KCNH8: variants seen among roughly 807,000 people sequenced by gnomAD.
KCNH8 encodes the protein voltage-gated delayed rectifier potassium channel KCNH8.
A neutral mutation model predicts 103.6 loss-of-function variants in KCNH8; 70 were observed. The observed-to-expected ratio is 0.68, with a 90% CI of 0.56 to 0.82. The LOEUF (loss-of-function observed/expected upper bound fraction) is 0.82, where lower values mean the gene tolerates loss of function less well. Ranked by LOEUF, KCNH8 falls within the 40% of genes least tolerant of loss-of-function variation. The pLI, the probability that KCNH8 is intolerant of heterozygous loss-of-function variation, is 0.00. For missense variants in KCNH8, 1,217 were observed against 1,329.9 expected (o/e 0.92, Z 1.32); for synonymous variants, 498 against 489.4 (o/e 1.02, Z -0.23).
chr3:19,169,255 CTTT>C (rs768036667), intron 1 of KCNH8, among the ~76,000 whole-genome samples: 1 of 124,962 alleles, frequency 8.0e-6, no homozygotes. Flanking sequence ...TTCTTTCTTT[CTTT>C]TTTTTTTTTT....
intron 5 of KCNH8, among the ~76,000 whole-genome samples, chr3:19,379,501 G>A (rs1366380125): frequency 2.6e-5 from 4 of 152,078 alleles, no homozygotes; most frequent in Admixed American, 6.6e-5. Context: ...TTACTCAGGC[G>A]TGGTGGCATG....
In KCNH8 at chr3:19,347,735, T is replaced by C; in HGVS notation, c.581T>C (p.Val194Ala). ...TGTCTTCATCCACAGAATGTTTTTG[T>C]AGATAAACCAGCATTTCCGGAGTAT... ...NKLKINNNVF[V>A]DKPAFPEYKV... Residue 194 changes from valine to alanine, a missense_variant, in exon 5 of 16, where the codon GTA (valine) becomes GCA (alanine). By Grantham distance (64) the Val-to-Ala change is moderately conservative. Around this residue, in one of 3 missense-constraint regions of KCNH8, gnomAD observed 244 missense variants for 256.8 expected, o/e 0.95. Transcript: ENST00000328405. 1 of 1,612,946 alleles carries C rather than the reference T, an allele frequency of 6.2e-7. No homozygotes were observed. The highest frequency in any genetic ancestry group is 2.2e-5 in the East Asian group (1 of 44,854).
At chr3:19,278,289 TG>T (rs2064703924) in intron 2 of KCNH8, among the ~76,000 whole-genome samples, 1 of 152,004 alleles carries the variant, frequency 6.6e-6, no homozygotes, top group Non-Finnish European at 1.5e-5. Context: ...AGTTGGTATA[TG>T]CTTTGTGTTC....
At chr3:19,503,500 C>T (rs1020393122) in intron 11 of KCNH8, among the ~76,000 whole-genome samples, 2 of 152,032 alleles carry the variant, frequency 1.3e-5, no homozygotes, top group African/African-American at 4.8e-5. Context: ...GCAGCATTAT[C>T]CACAATAGCA....
In KCNH8 at chr3:19,500,252, T is replaced by C. The variant is rs1311290796; in HGVS notation, c.2041-10111T>C. Among the ~76,000 whole-genome samples the C allele has an allele frequency of 4.6e-5, 7 of 152,280 alleles. No homozygotes were observed. The South Asian group carries it at 1.5e-3, about 32-fold the overall frequency. Reference sequence around the variant, plus strand: ...AAGAGCTAACTATCCTAAATATATATGCACCCAATACAAGAGCACCCAGAA... The same window carrying C: ...AAGAGCTAACTATCCTAAATATATACGCACCCAATACAAGAGCACCCAGAA... On this transcript the variant is annotated intron_variant, in intron 11 of 15. Transcript: ENST00000328405.
chr3:19,288,425 C>T (rs2064868196), intron 3 of KCNH8, among the ~76,000 whole-genome samples: 1 of 151,558 alleles, frequency 6.6e-6, no homozygotes, highest in African/African-American at 2.4e-5. Flanking sequence ...ATTCCCCTTC[C>T]TGTATCCATG....
chr3:19,407,638 A>G (rs1044457952), intron 7 of KCNH8, among the ~76,000 whole-genome samples: 7 of 152,150 alleles, frequency 4.6e-5, no homozygotes, highest in African/African-American at 1.7e-4. Flanking sequence ...AGACATAGAT[A>G]GTGGTGCAGT....
chr3:19,398,612 G>A (rs1182655260), intron 7 of KCNH8, among the ~76,000 whole-genome samples: 1 of 151,882 alleles, frequency 6.6e-6, no homozygotes, highest in Non-Finnish European at 1.5e-5. Context: ...GTGATCCTTT[G>A]AACATAGAGC....
chr3:19,208,578 A>G (rs1170976512), intron 1 of KCNH8, among the ~76,000 whole-genome samples: 1 of 152,030 alleles, frequency 6.6e-6, no homozygotes, highest in Non-Finnish European at 1.5e-5. Flanking sequence ...ACCATAAGGC[A>G]TAAATAATAA....
chr3:19,274,101 C>T (rs187759741), intron 2 of KCNH8, among the ~76,000 whole-genome samples: 122 of 151,972 alleles, frequency 8.0e-4, no homozygotes, highest in Non-Finnish European at 1.4e-3. Context: ...AGGATCATTC[C>T]CAGAATATTA....
intron 5 of KCNH8, among the ~76,000 whole-genome samples, chr3:19,380,123 A>G (rs2066268878): frequency 6.6e-6 from 1 of 152,214 alleles, no homozygotes; most frequent in Non-Finnish European, 1.5e-5. Flanking sequence ...TGCCTCTGGA[A>G]TATCACTGAG....
chr3:19,437,478 A>G (rs925894834), intron 7 of KCNH8, among the ~76,000 whole-genome samples: 1 of 152,190 alleles, frequency 6.6e-6, no homozygotes, highest in Non-Finnish European at 1.5e-5. Context: ...ACATATATAC[A>G]TAGTATCATA....
chr3:19,468,361 C>G (rs931996391), intron 11 of KCNH8, among the ~76,000 whole-genome samples: 2 of 152,146 alleles, frequency 1.3e-5, no homozygotes, highest in African/African-American at 4.8e-5. Flanking sequence ...GTCCTGAAGA[C>G]AGCGGCCTCT....
intron 1 of KCNH8, among the ~76,000 whole-genome samples, chr3:19,157,048 C>T (rs1186976735): frequency 1.3e-5 from 2 of 150,570 alleles, no homozygotes; most frequent in African/African-American, 4.9e-5. Context: ...ATTTGTCAGT[C>T]CAAATGAATC....
intron 3 of KCNH8, among the ~76,000 whole-genome samples, chr3:19,297,269 A>G (rs557164588): frequency 6.6e-5 from 10 of 152,348 alleles, no homozygotes; most frequent in Admixed American, 3.9e-4. Flanking sequence ...TTTTAAGTAC[A>G]TGTTCCCTCT....
intron 5 of KCNH8, among the ~76,000 whole-genome samples, chr3:19,355,196 C>T (rs1408277300): frequency 6.6e-6 from 1 of 152,264 alleles, no homozygotes; most frequent in East Asian, 1.9e-4. Flanking sequence ...CCATCTCACA[C>T]CAGTTAGAAT....
At chr3:19,419,706 G>A (rs191525674) in intron 7 of KCNH8, among the ~76,000 whole-genome samples, 80 of 151,760 alleles carry the variant, frequency 5.3e-4, no homozygotes, top group African/African-American at 1.7e-3. Flanking sequence ...AAATATTTAC[G>A]AAGGCCCCCA....
intron 11 of KCNH8, among the ~76,000 whole-genome samples, chr3:19,506,554 C>T (rs929434125): frequency 3.3e-5 from 5 of 152,182 alleles, no homozygotes; most frequent in Admixed American, 2.6e-4. Flanking sequence ...AGCTATGCTC[C>T]CTCTCAGTGC....
At chr3:19,471,423 A>C (rs2067853589) in intron 11 of KCNH8, among the ~76,000 whole-genome samples, 1 of 152,184 alleles carries the variant, frequency 6.6e-6, no homozygotes, top group African/African-American at 2.4e-5. Context: ...ATAGTTGTTT[A>C]GGCCTATGAA....
Sources: allele counts gnomAD v4.1 joint callset (sites outside exome capture counted in the v4.1 genomes callset), GRCh38; gene constraint gnomAD v4.1.1; regional missense constraint gnomAD v4.1.1; transcripts MANE v1.5; gene names NCBI Gene and HGNC (gene_info 2026-07-23, HGNC 2026-07-21).